The following DNAJA4 variants were observed in gnomAD, a reference collection of about 807,000 sequenced individuals.
The protein encoded by DNAJA4 is dnaJ homolog subfamily A member 4.
DNAJA4 carries 32 observed loss-of-function variants against 39.7 expected under a neutral mutation model. The ratio of observed to expected loss-of-function variants is 0.81; its 90% CI spans 0.61 to 1.08. DNAJA4 has a LOEUF of 1.08. DNAJA4 is among the 50% of genes least tolerant of loss of function. The pLI is 0.00. For missense variants in DNAJA4, 439 were observed against 505.1 expected, an observed-to-expected ratio of 0.87 and a Z score of 1.25; for synonymous variants, 184 against 182.4, an observed-to-expected ratio of 1.01 and a Z score of -0.07.
At chr15:78,269,684 CCAAT>C in intron 1 of DNAJA4, among the ~76,000 whole-genome samples, 1 of 152,234 alleles carries the variant, frequency 6.6e-6, no homozygotes, top group South Asian at 2.1e-4. Flanking sequence ...TCCCATTGTT[CCAAT>C]AATGTCCTTT....
intron 1 of DNAJA4, among the ~76,000 whole-genome samples, chr15:78,266,673 A>G (rs1479876587): frequency 1.3e-5 from 2 of 152,222 alleles, no homozygotes. Context: ...CACAGGCCCA[A>G]CGTGCATCCT....
At chr15:78,275,454 TTTGTATGAGAAATG>T (rs761731720) in intron 4 of DNAJA4, 30 bp from the exon 5 acceptor site, 1 of 1,501,040 alleles carries the variant, frequency 6.7e-7, no homozygotes, top group Non-Finnish European at 9.2e-7. Context: ...GGAAGCATGG[TTTGTATGAGAAATG>T]GCTAATCAGA....
intron 2 of DNAJA4, among the ~76,000 whole-genome samples, chr15:78,271,176 T>TA (rs2049285124): frequency 1.3e-5 from 2 of 152,298 alleles, no homozygotes; most frequent in East Asian, 3.9e-4. Flanking sequence ...GTAAATTTAG[T>TA]AATTATCTGA....
intron 1 of DNAJA4, chr15:78,266,323 G>A (rs1441028784): frequency 6.3e-7 from 1 of 1,591,404 alleles, no homozygotes; most frequent in Non-Finnish European, 8.6e-7. Flanking sequence ...TATACAGTTA[G>A]AGCTGAATAT....
At chr15:78,277,732 C>T (rs1355742740) in intron 5 of DNAJA4, 3 of 318,306 alleles carry the variant, frequency 9.4e-6, no homozygotes, top group South Asian at 2.8e-5. Flanking sequence ...GCCAGCGTTC[C>T]TTGCTGTCTC....
At chr15:78,269,360 A>G (rs1020414548) in intron 1 of DNAJA4, among the ~76,000 whole-genome samples, 1 of 152,188 alleles carries the variant, frequency 6.6e-6, no homozygotes, top group Non-Finnish European at 1.5e-5. Flanking sequence ...GTAAGAAGGA[A>G]CAGATCTTGC....
Position 78,270,482 on chromosome 15 carries a change from C to T in DNAJA4, c.133-15C>T. ...GAAACTTCTCTAAAAATCTCTCTCT[C>T]TCTCTCTTTTAAAGTTTAAACTCAT... On this transcript the variant is annotated splice_polypyrimidine_tract_variant and intron_variant, in intron 1 of 6. Coordinates refer to ENST00000394852, the MANE Select transcript of DNAJA4 (RefSeq NM_001130182.2). The T allele has an allele frequency of 1.2e-6, 2 of 1,600,122 alleles. No individual in the cohort carries two copies. Among genetic ancestry groups the T allele is most frequent in the Non-Finnish European group, 1.7e-6 (2 of 1,174,008 alleles).
At position 78,274,300 on chromosome 15, in the gene DNAJA4, C is replaced by A. The variant is rs145486024; in HGVS notation, c.522C>A (p.Ile174=). ...QQIGPGMVQQ[I]QTVCIECKGQ... Reference sequence around the variant, plus strand: ...TCGGGCCGGGCATGGTACAGCAGATCCAGACCGTGTGCATCGAGTGCAAGG... The same window carrying A: ...TCGGGCCGGGCATGGTACAGCAGATACAGACCGTGTGCATCGAGTGCAAGG... The change falls in exon 4 of 7, where the codon ATC becomes ATA. Residue 174 remains isoleucine, a synonymous_variant. Coordinates refer to ENST00000394852, the MANE Select transcript of DNAJA4 (RefSeq NM_001130182.2). 8.1e-6 allele frequency: 13 copies of A among 1,614,160 alleles called. No homozygotes were observed. Among genetic ancestry groups the A allele is most frequent in the East Asian group, 2.2e-5 (1 of 44,876 alleles).
chr15:78,267,165 AGTGTGTGAGTGTGTGAGTGTGT>A (rs2049152490), intron 1 of DNAJA4, among the ~76,000 whole-genome samples: 1 of 108,672 alleles, frequency 9.2e-6, no homozygotes, highest in African/African-American at 3.9e-5. Context: ...TGTGTATGTG[AGTGTGTGAGTGTGTGAGTGTGT>A]GTGTGAGTGT....
At position 78,274,400 on chromosome 15, in the gene DNAJA4, A is replaced by G; in HGVS notation, c.622A>G (p.Ile208Val). 1 of 1,614,094 alleles carries G rather than the reference A, an allele frequency of 6.2e-7. No homozygotes were observed. Among genetic ancestry groups the G allele is most frequent in the Non-Finnish European group, 8.5e-7 (1 of 1,180,016 alleles). ...GGCCAAGGTGATCCGTGAGAAGAAG[A>G]TTATCGAGGTACATGTTGAAAAAGG... ...SGAKVIREKK[I>V]IEVHVEKGMK... is the part of the protein sequence containing the mutation. Residue 208 changes from isoleucine to valine, a missense_variant, in exon 4 of 7, where the codon ATT (isoleucine) becomes GTT (valine). Coordinates refer to ENST00000394852, the MANE Select transcript of DNAJA4 (RefSeq NM_001130182.2).
chr15:78,278,126 G>C (rs1398523646), intron 5 of DNAJA4: 2 of 456,006 alleles, frequency 4.4e-6, no homozygotes, highest in Non-Finnish European at 8.8e-6. Flanking sequence ...TGATTTTGGA[G>C]CCACACAAGG....
At position 78,280,117 on chromosome 15, in the gene DNAJA4, A is replaced by G. The variant is rs2049610851; in HGVS notation, c.950A>G (p.Glu317Gly). The change falls in exon 6 of 7, where the codon GAA (glutamate) becomes GGA (glycine). Residue 317 changes from glutamate (E) to glycine (G), a missense_variant. Coordinates refer to ENST00000394852, the MANE Select transcript of DNAJA4 (RefSeq NM_001130182.2). ...EGMPIYKAPLEKGILIIQFLV... is the reference protein window; with the variant it reads ...EGMPIYKAPLGKGILIIQFLV... ...ATGCCCATCTACAAAGCACCCCTGGAAAAAGGGATTCTGATCATACAGTTT... is the reference window on the plus strand; with the variant it reads ...ATGCCCATCTACAAAGCACCCCTGGGAAAAGGGATTCTGATCATACAGTTT... The G allele has an allele frequency of 1.9e-6, 3 of 1,614,122 alleles. No individual in the cohort carries two copies. The highest frequency in any genetic ancestry group is 1.1e-5 in the South Asian group (1 of 91,088).
chr15:78,270,944 A>G (rs1484238672), intron 2 of DNAJA4, among the ~76,000 whole-genome samples: 1 of 152,156 alleles, frequency 6.6e-6, no homozygotes. Flanking sequence ...TCATGCCTGT[A>G]GTCTCCGCTA....
Position 78,264,593 on chromosome 15 carries a change from C to T in DNAJA4, c.-171C>T, listed in dbSNP as rs989330632. ...GTGGAGCCAGGCGTGGAAGTCGGTC[C>T]GGCGCGGGGCGGGGGGCGGGCGGGA... On this transcript the variant is annotated 5_prime_UTR_variant, in exon 1 of 7. Coordinates refer to ENST00000394852, the MANE Select transcript of DNAJA4 (RefSeq NM_001130182.2). The T allele has an allele frequency of 1.3e-4, 146 of 1,152,640 alleles. No homozygotes were observed. The African/African-American group carries it at 2.1e-3, about 17-fold the overall frequency. The allele number at this position is 1,152,640 out of a possible 1,614,324, so 71.4% of individuals were successfully genotyped here.
chr15:78,264,928 C>T (rs2049078909), intron 1 of DNAJA4, 33 bp downstream of exon 1: 3 of 1,548,856 alleles, frequency 1.9e-6, no homozygotes, highest in South Asian at 1.2e-5. Flanking sequence ...GGCCGGGCTC[C>T]CGAGGGGCCA....
At position 78,280,264 on chromosome 15, in the gene DNAJA4, A is replaced by C; in HGVS notation, c.998A>C (p.His333Pro). 1 of 1,614,146 alleles carries C rather than the reference A, an allele frequency of 6.2e-7. No individual in the cohort carries two copies. The highest frequency in any genetic ancestry group is 8.5e-7 in the Non-Finnish European group (1 of 1,179,964). Residue 333 changes from histidine to proline, a missense_variant, in exon 7 of 7, where the codon CAC (histidine) becomes CCC (proline). By Grantham distance (77) the His-to-Pro change is moderately conservative (BLOSUM62 -2). Transcript: ENST00000394852. ...IQFLVIFPEK[H>P]WLSLEKLPQL... ...TTACAGGTAATCTTTCCTGAAAAAC[A>C]CTGGCTTTCTCTGGAAAAGCTTCCT... is the stretch of plus-strand genomic sequence containing the variant.
rs529100305 is a variant in DNAJA4 at position 78,281,500 on chromosome 15, G to A, written c.*1040G>A. ...ACAAAGGGTTTCCTGCTCAAGTGATGTTTTGGTAAGAACTTCGCTGAGTTC... is the reference window on the plus strand; with the variant it reads ...ACAAAGGGTTTCCTGCTCAAGTGATATTTTGGTAAGAACTTCGCTGAGTTC... On this transcript the variant is annotated 3_prime_UTR_variant, in exon 7 of 7. Coordinates refer to ENST00000394852, the MANE Select transcript of DNAJA4 (RefSeq NM_001130182.2). 2.0e-5 allele frequency: 3 copies of A among 152,322 alleles called. No individual in the cohort carries two copies. Among genetic ancestry groups the A allele is most frequent in the African/African-American group, 7.2e-5 (3 of 41,576 alleles). The allele number at this position is 152,322 out of a possible 1,614,324, so 9.4% of individuals were successfully genotyped here.
upstream of DNAJA4, chr15:78,264,262 C>T: frequency 4.0e-6 from 5 of 1,256,676 alleles, no homozygotes; most frequent in Non-Finnish European, 5.1e-6. Flanking sequence ...GGCGGCGGGA[C>T]AGTTGTCGGA....
chr15:78,271,531 C>T (rs2049297094), intron 2 of DNAJA4, among the ~76,000 whole-genome samples: 1 of 152,230 alleles, frequency 6.6e-6, no homozygotes, highest in Admixed American at 6.5e-5. Context: ...GTTTTGAAAT[C>T]TTTATAAATG....
Sources: gnomAD v4.1 joint callset for allele counts (sites outside exome capture counted in the v4.1 genomes callset) on GRCh38, gnomAD v4.1.1 for gene constraint, MANE v1.5 for transcripts, NCBI Gene and HGNC (gene_info 2026-07-23, HGNC 2026-07-21) for gene names.